SLC24A2: variants seen among roughly 807,000 people sequenced by gnomAD.
SLC24A2 encodes the protein solute carrier family 24 member 2.
In SLC24A2, 36 loss-of-function variants were observed where a neutral mutation model predicts 62.0. That is an observed-to-expected ratio of 0.58 (90% CI 0.44 to 0.77). The LOEUF (loss-of-function observed/expected upper bound fraction) is 0.77, where lower values mean the gene tolerates loss of function less well. Ranked by LOEUF, SLC24A2 falls within the 30% of genes least tolerant of loss-of-function variation. The pLI is 0.00. For synonymous variants in SLC24A2, 358 were observed against 294.0 expected (o/e 1.22, Z -2.23); for missense variants, 846 against 817.9 (o/e 1.03, Z -0.42).
chr9:19,792,774 G>A (rs937757185), upstream of SLC24A2, among the ~76,000 whole-genome samples: 5 of 151,544 alleles, frequency 3.3e-5, no homozygotes, highest in Non-Finnish European at 5.9e-5. Context: ...ATAAAGTACA[G>A]TACTCATACT....
chr9:20,083,806 A>G, the SLC24A2 span, among the ~76,000 whole-genome samples: 4 of 152,216 alleles, frequency 2.6e-5, no homozygotes, highest in Admixed American at 2.6e-4. Flanking sequence ...AAATTGGCAT[A>G]TGCTAATGCA....
chr9:19,535,097 C>G (rs996836412), intron 8 of SLC24A2, among the ~76,000 whole-genome samples: 4 of 152,192 alleles, frequency 2.6e-5, no homozygotes, highest in Non-Finnish European at 1.5e-5. Context: ...ATTTGCATTT[C>G]TCTAATGACC....
the SLC24A2 span, among the ~76,000 whole-genome samples, chr9:19,847,238 G>A: frequency 6.6e-6 from 1 of 152,074 alleles, no homozygotes; most frequent in Non-Finnish European, 1.5e-5. Flanking sequence ...TAAAACTTCT[G>A]TTTATTTGTT....
intron 2 of SLC24A2, among the ~76,000 whole-genome samples, chr9:19,783,645 C>G (rs1823079260): frequency 1.3e-5 from 2 of 152,138 alleles, no homozygotes; most frequent in African/African-American, 4.8e-5. Context: ...TTTCTGCAAT[C>G]AGGCATATGA....
the SLC24A2 span, among the ~76,000 whole-genome samples, chr9:20,246,274 CAT>C: frequency 3.6e-4 from 55 of 152,320 alleles, 1 homozygote; most frequent in African/African-American, 1.3e-3. Context: ...GGAGCACTCA[CAT>C]GTGAAACATA....
chr9:19,547,859 C>G (rs553142923), intron 8 of SLC24A2, among the ~76,000 whole-genome samples: 3 of 151,602 alleles, frequency 2.0e-5, no homozygotes, highest in Non-Finnish European at 4.4e-5. Flanking sequence ...AGAGGAGAGA[C>G]AATGCAAGCA....
Position 19,746,217 on chromosome 9 carries a change from C to T in SLC24A2, c.930+39720G>A, listed in dbSNP as rs182431004. Among the ~76,000 whole-genome samples the T allele has an allele frequency of 1.5e-3, 232 of 151,862 alleles. 1 individual carries two copies. The highest frequency in any genetic ancestry group is 5.2e-3 in the South Asian group (25 of 4,800). On this transcript the variant is annotated intron_variant, in intron 2 of 10. Transcript: ENST00000341998. ...GCGGCTCTCTTGTTCTCAGTGCCTACGACAACTTTCCGATGGGACCATAAA... is the reference window on the plus strand; with the variant it reads ...GCGGCTCTCTTGTTCTCAGTGCCTATGACAACTTTCCGATGGGACCATAAA...
chr9:20,098,102 C>T, the SLC24A2 span, among the ~76,000 whole-genome samples: 1 of 151,962 alleles, frequency 6.6e-6, no homozygotes, highest in African/African-American at 2.4e-5. Context: ...AGTATAAAAG[C>T]TGGGGGAAAA....
intron 2 of SLC24A2, among the ~76,000 whole-genome samples, chr9:19,736,446 C>T (rs1471248516): frequency 2.0e-5 from 3 of 152,042 alleles, no homozygotes; most frequent in African/African-American, 7.2e-5. Flanking sequence ...GAAAATGTTG[C>T]AAGGATAGAA....
At chr9:19,700,942 G>C (rs1408492968) in intron 2 of SLC24A2, among the ~76,000 whole-genome samples, 1 of 152,150 alleles carries the variant, frequency 6.6e-6, no homozygotes, top group Non-Finnish European at 1.5e-5. Flanking sequence ...CGTATGCCAA[G>C]CCTGGAACTT....
the SLC24A2 span, among the ~76,000 whole-genome samples, chr9:20,291,390 C>G: frequency 6.6e-6 from 1 of 152,076 alleles, no homozygotes; most frequent in Non-Finnish European, 1.5e-5. Context: ...GAGGCATGAA[C>G]AAAGAAATGG....
At chr9:19,939,330 A>G in the SLC24A2 span, among the ~76,000 whole-genome samples, 72,013 of 152,108 alleles carry the variant, frequency 0.47, 17,527 homozygotes, top group Non-Finnish European at 0.52. Flanking sequence ...CGCCTAGGCT[A>G]TATGGTATAT....
the SLC24A2 span, among the ~76,000 whole-genome samples, chr9:20,096,139 T>G: frequency 3.0e-4 from 45 of 152,172 alleles, no homozygotes; most frequent in Non-Finnish European, 5.6e-4. Flanking sequence ...TATTGATTCT[T>G]CTATGGAGAA....
chr9:19,972,724 T>C, the SLC24A2 span, among the ~76,000 whole-genome samples: 3 of 152,212 alleles, frequency 2.0e-5, no homozygotes, highest in African/African-American at 7.2e-5. Flanking sequence ...ATTCATATAT[T>C]TTACAAAAGT....
chr9:20,124,345 T>C, the SLC24A2 span, among the ~76,000 whole-genome samples: 9 of 151,736 alleles, frequency 5.9e-5, no homozygotes, highest in East Asian at 1.7e-3. Context: ...CATAAACCTG[T>C]AGAGAAAATA....
chr9:19,886,731 T>G, the SLC24A2 span, among the ~76,000 whole-genome samples: 1 of 152,218 alleles, frequency 6.6e-6, no homozygotes, highest in Admixed American at 6.5e-5. Flanking sequence ...TAAATCATTC[T>G]ATTATAAAGA....
chr9:19,831,036 G>A, the SLC24A2 span, among the ~76,000 whole-genome samples: 1 of 152,158 alleles, frequency 6.6e-6, no homozygotes, highest in African/African-American at 2.4e-5. Context: ...GGAAGGAAAG[G>A]AAAGGAAAGG....
At chr9:20,205,054 A>AT in the SLC24A2 span, among the ~76,000 whole-genome samples, 12 of 151,988 alleles carry the variant, frequency 7.9e-5, no homozygotes, top group Admixed American at 2.0e-4. Context: ...CAAAAGTATA[A>AT]TTTTTTTTAA....
At chr9:20,177,818 T>C in the SLC24A2 span, among the ~76,000 whole-genome samples, 1 of 152,160 alleles carries the variant, frequency 6.6e-6, no homozygotes, top group Non-Finnish European at 1.5e-5. Context: ...TATGTAAATT[T>C]TCACAATGAC....
Sources: allele counts gnomAD v4.1 joint callset (sites outside exome capture counted in the v4.1 genomes callset), GRCh38; gene constraint gnomAD v4.1.1; transcripts MANE v1.5; gene names NCBI Gene and HGNC (gene_info 2026-07-23, HGNC 2026-07-21).